The following ACAD8 variants were observed in gnomAD, a reference collection of about 807,000 sequenced individuals.
ACAD8 encodes isobutyryl-CoA dehydrogenase, mitochondrial.
In ACAD8, 47 loss-of-function variants were observed where a neutral mutation model predicts 53.1. That is an observed-to-expected ratio of 0.89 (90% CI 0.70 to 1.13). The LOEUF (loss-of-function observed/expected upper bound fraction) is 1.13. Among genes scored for constraint, ACAD8 ranks in the 50% most tolerant of loss-of-function variants. The pLI is 0.00. For missense variants in ACAD8, 494 were observed against 535.0 expected (o/e 0.92, Z 0.76); for synonymous variants, 198 against 201.3 (o/e 0.98, Z 0.14).
intron 9 of ACAD8, 118 bp from the exon 10 acceptor site, chr11:134,262,402 T>C: frequency 1.4e-6 from 1 of 712,528 alleles, no homozygotes; most frequent in South Asian, 1.5e-5. Context: ...CTTGGCTGTT[T>C]GTGGTTCTTT....
In ACAD8 at chr11:134,265,246, A is replaced by G. The variant is rs1444916104; in HGVS notation, c.*286A>G. ...ACCAGTGAAGATTCACCGTCAAACC[A>G]TGAAAGTCCTTTCTTGGATCCACTT... On this transcript the variant is annotated 3_prime_UTR_variant, in exon 11 of 11. Coordinates refer to ENST00000281182, the MANE Select transcript of ACAD8 (RefSeq NM_014384.3). 2.4e-5 allele frequency: 12 copies of G among 501,988 alleles called. No homozygotes were observed. The highest frequency in any genetic ancestry group is 6.5e-5 in the East Asian group (2 of 30,908). 31.1% of individuals were successfully genotyped at this position (501,988 alleles called of 1,614,324 possible).
At chr11:134,260,085 T>C in intron 6 of ACAD8, 1 of 1,201,054 alleles carries the variant, frequency 8.3e-7, no homozygotes, top group Non-Finnish European at 1.1e-6. Flanking sequence ...GAAGACCTGG[T>C]GTTGGCCACA....
In ACAD8 at chr11:134,265,360, G is replaced by A; in HGVS notation, c.*400G>A. On this transcript the variant is annotated 3_prime_UTR_variant, in exon 11 of 11. Coordinates refer to ENST00000281182, the MANE Select transcript of ACAD8 (RefSeq NM_014384.3). ...CACTGATGCTCTTCCTGATTCTAGA[G>A]CAAAGGTGTGGGAAGGGGAAATGGA... 4.7e-6 allele frequency: 1 copy of A among 214,204 alleles called. No individual in the cohort carries two copies. The highest frequency in any genetic ancestry group is 5.2e-5 in the Admixed American group (1 of 19,196). The allele number at this position is 214,204 out of a possible 1,614,324, so 13.3% of individuals were successfully genotyped here. A position where few individuals can be genotyped will look rare whatever the true frequency, so the allele number is the denominator to read the frequency against.
In ACAD8 at chr11:134,253,639, C is replaced by T. The variant is rs1939257694; in HGVS notation, c.39C>T (p.Leu13=). The change falls in exon 1 of 11, where the codon CTC becomes CTT. Residue 13 remains leucine (L), a synonymous_variant. Coordinates refer to ENST00000281182, the MANE Select transcript of ACAD8 (RefSeq NM_014384.3). ...GCTGCCGGCGTTTCGGGGCGCGCCT[C>T]GGCTGCCTGCCCGGCGGTCTCCGGG... The part of the protein sequence containing the change: ...WSGCRRFGAR[L]GCLPGGLRVL... The T allele has an allele frequency of 6.3e-7, 1 of 1,588,402 alleles. No homozygotes were observed. The highest frequency in any genetic ancestry group is 8.5e-7 in the Non-Finnish European group (1 of 1,170,182).
chr11:134,257,849 T>TATTC (rs1487121272), intron 3 of ACAD8: 1 of 161,130 alleles, frequency 6.2e-6, no homozygotes, highest in Non-Finnish European at 1.4e-5. Flanking sequence ...CTCACCCTTT[T>TATTC]ATTTATTTAT....
chr11:134,258,928 A>G (rs1187698755), intron 4 of ACAD8, 80 bp from the exon 5 acceptor site: 3 of 1,223,998 alleles, frequency 2.5e-6, no homozygotes, highest in African/African-American at 3.0e-5. Flanking sequence ...AAGATTTCCT[A>G]GAAGATAGAA....
rs374265813 is a variant in ACAD8 at position 134,261,161 on chromosome 11, G to A, written c.823G>A (p.Gly275Arg). ...CCTCATTGCCGTGAGAGGACTGAAC[G>A]GAGGGAGGATCAATATTGGTGAGAT... ...GFLIAVRGLN[G>R]GRINIASCSL... The change falls in exon 7 of 11, where the codon GGA (glycine) becomes AGA (arginine). Residue 275 changes from glycine (G) to arginine (R), a missense_variant. Gly to Arg is a moderately radical substitution (Grantham distance 125). Coordinates refer to ENST00000281182, the MANE Select transcript of ACAD8 (RefSeq NM_014384.3). The surrounding 1 kb of genome is among the most constrained non-coding windows in gnomAD (Gnocchi z 4.2). The A allele has an allele frequency of 1.8e-5, 29 of 1,612,874 alleles. No individual in the cohort carries two copies. The highest frequency in any genetic ancestry group is 3.3e-5 in the South Asian group (3 of 90,732).
chr11:134,264,998 G>T lies in ACAD8; in HGVS notation c.*38G>T, dbSNP rs1351509097. On this transcript the variant is annotated 3_prime_UTR_variant, in exon 11 of 11. Coordinates refer to ENST00000281182, the MANE Select transcript of ACAD8 (RefSeq NM_014384.3). The stretch of plus-strand genomic sequence containing the variant: ...TTCTGGCCTGGTGTTCAGTGCGACT[G>T]CAGTCAGTGTTGAGTGGTGCCATGT... 1.2e-6 allele frequency: 2 copies of T among 1,605,472 alleles called. No individual in the cohort carries two copies. The highest frequency in any genetic ancestry group is 2.2e-5 in the South Asian group (2 of 90,920).
At position 134,261,338 on chromosome 11, in the gene ACAD8, G is replaced by C. The variant is rs121908422; in HGVS notation, c.905G>C (p.Arg302Pro). Reference protein sequence around the residue: ...VILTRDHLNVRKQFGEPLASN... With the variant: ...VILTRDHLNVPKQFGEPLASN... ...CTCACCCGAGACCACCTCAATGTCC[G>C]GAAGCAGTTTGGAGAGCCTCTGGCC... The change falls in exon 8 of 11, where the codon CGG becomes CCG. Residue 302 changes from arginine to proline, a missense_variant. By Grantham distance (103) the Arg-to-Pro change is moderately radical. Coordinates refer to ENST00000281182, the MANE Select transcript of ACAD8 (RefSeq NM_014384.3). The surrounding 1 kb of genome is among the most constrained non-coding windows in gnomAD (Gnocchi z 4.2). 4 of 1,614,136 alleles carry C rather than the reference G, an allele frequency of 2.5e-6. No individual in the cohort carries two copies. Among genetic ancestry groups the C allele is most frequent in the Non-Finnish European group, 3.4e-6 (4 of 1,180,044 alleles).
In ACAD8 at chr11:134,259,756, G is replaced by A. The variant is rs562699173; in HGVS notation, c.705+11G>A. On this transcript the variant is annotated intron_variant, in intron 6 of 10. Transcript: ENST00000281182. ...AAGAAGGAGAAAAAGGTGAGTGGCT[G>A]TTGGACAGGAAACAATTCAGGTTAT... 5.6e-6 allele frequency: 9 copies of A among 1,614,204 alleles called. No individual in the cohort carries two copies. The South Asian group carries it at 9.9e-5, about 18-fold the overall frequency.
intron 5 of ACAD8, 96 bp downstream of exon 5, chr11:134,259,180 A>G (rs752206269): frequency 5.4e-5 from 60 of 1,103,082 alleles, no homozygotes; most frequent in Admixed American, 2.2e-4. Flanking sequence ...TAATACTCCC[A>G]TAGGATTTTT....
In ACAD8 at chr11:134,261,180, G is replaced by A. The variant is rs1432685921; in HGVS notation, c.841+1G>A. On this transcript the variant is annotated splice_donor_variant, in intron 7 of 10. Coordinates refer to ENST00000281182, the MANE Select transcript of ACAD8 (RefSeq NM_014384.3). LOFTEE classifies it high-confidence loss of function. The surrounding 1 kb of genome is among the most constrained non-coding windows in gnomAD (Gnocchi z 4.2). ...CTGAACGGAGGGAGGATCAATATTGGTGAGATACGCAGGGGTGTGGCAGGG... is the reference window on the plus strand; with the variant it reads ...CTGAACGGAGGGAGGATCAATATTGATGAGATACGCAGGGGTGTGGCAGGG... 1 of 1,613,662 alleles carries A rather than the reference G, an allele frequency of 6.2e-7. No individual in the cohort carries two copies. Among genetic ancestry groups the A allele is most frequent in the African/African-American group, 1.3e-5 (1 of 75,038 alleles).
In ACAD8 at chr11:134,261,242, C is replaced by T. The variant is rs1939862413; in HGVS notation, c.842-33C>T. 1 of 1,614,152 alleles carries T rather than the reference C, an allele frequency of 6.2e-7. No individual in the cohort carries two copies. The highest frequency in any genetic ancestry group is 1.1e-5 in the South Asian group (1 of 91,080). Reference sequence around the variant, plus strand: ...CGGGACAGGCACTGCTGTTTTCCAGCTTGGTTGGAACGTCGGCGCTCTTCC... The same window carrying T: ...CGGGACAGGCACTGCTGTTTTCCAGTTTGGTTGGAACGTCGGCGCTCTTCC... On this transcript the variant is annotated intron_variant, in intron 7 of 10. Transcript: ENST00000281182. The surrounding 1 kb of genome is among the most constrained non-coding windows in gnomAD (Gnocchi z 4.2).
At chr11:134,254,720 T>C (rs1551182) in intron 1 of ACAD8, among the ~76,000 whole-genome samples, 39,707 of 152,176 alleles carry the variant, frequency 0.26, 5,560 homozygotes, top group East Asian at 0.37. Flanking sequence ...GGTTTTGTTA[T>C]TGTTTGCATC....
At position 134,261,389 on chromosome 11, in the gene ACAD8, C is replaced by G; in HGVS notation, c.939+17C>G. The G allele has an allele frequency of 1.2e-6, 2 of 1,612,790 alleles. No homozygotes were observed. Among genetic ancestry groups the G allele is most frequent in the Non-Finnish European group, 1.7e-6 (2 of 1,178,766 alleles). ...AGTAACCAGGTAACCTCTGCCTTGC[C>G]TCCACATGGCTTTGCACTATTTGCA... is the stretch of plus-strand genomic sequence containing the variant. On this transcript the variant is annotated intron_variant, in intron 8 of 10. Transcript: ENST00000281182. This position sits in a 1 kb window ranked among gnomAD's most constrained non-coding sequence, Gnocchi z 4.2.
In ACAD8 at chr11:134,261,473, C is replaced by T; in HGVS notation, c.939+101C>T. The T allele has an allele frequency of 2.0e-6, 3 of 1,510,726 alleles. No individual in the cohort carries two copies. The highest frequency in any genetic ancestry group is 2.7e-6 in the Non-Finnish European group (3 of 1,093,206). 93.6% of individuals were successfully genotyped at this position (1,510,726 alleles called of 1,614,324 possible). On this transcript the variant is annotated intron_variant, in intron 8 of 10. Coordinates refer to ENST00000281182, the MANE Select transcript of ACAD8 (RefSeq NM_014384.3). This position sits in a 1 kb window ranked among gnomAD's most constrained non-coding sequence, Gnocchi z 4.2. ...GAGAGAAGCCAGGAAATTCCTCTGTCAGTCCCACCACTGTCCTAGCCAGAG... is the reference window on the plus strand; with the variant it reads ...GAGAGAAGCCAGGAAATTCCTCTGTTAGTCCCACCACTGTCCTAGCCAGAG...
intron 10 of ACAD8, 177 bp downstream of exon 10, chr11:134,262,799 A>G: frequency 6.7e-7 from 1 of 1,490,826 alleles, no homozygotes; most frequent in South Asian, 1.2e-5. Context: ...TGGAGTCCAG[A>G]GCCGCAGCTT....
At chr11:134,263,523 T>C (rs1940026404) in intron 10 of ACAD8, 25 of 985,420 alleles carry the variant, frequency 2.5e-5, no homozygotes, top group Non-Finnish European at 3.0e-5. Context: ...CCCACCGCTC[T>C]GGTGTTAATG....
At chr11:134,262,722 G>A in intron 10 of ACAD8, 100 bp downstream of exon 10, 7 of 1,520,450 alleles carry the variant, frequency 4.6e-6, no homozygotes, top group Non-Finnish European at 6.2e-6. Context: ...TCAGGGTGCA[G>A]TCAAGCCCTG....
Sources: allele counts gnomAD v4.1 joint callset (sites outside exome capture counted in the v4.1 genomes callset), GRCh38; gene constraint gnomAD v4.1.1; non-coding constraint Gnocchi (gnomAD v3.1); transcripts MANE v1.5; gene names NCBI Gene and HGNC (gene_info 2026-07-23, HGNC 2026-07-21).